CDK6: variants seen among roughly 807,000 people sequenced by gnomAD.
CDK6 encodes the protein cyclin-dependent kinase 6.
Under a neutral mutation model 37.1 loss-of-function variants are expected in CDK6, and 6 were observed. The ratio of observed to expected loss-of-function variants is 0.16; its 90% CI spans 0.09 to 0.32. CDK6 has a LOEUF of 0.32. CDK6 is among the 10% of genes least tolerant of loss of function. The pLI is 1.00. For synonymous variants in CDK6, 160 were observed against 161.3 expected (o/e 0.99, Z 0.06); for missense variants, 224 against 418.9 (o/e 0.53, Z 4.06).
intron 3 of CDK6, among the ~76,000 whole-genome samples, chr7:92,758,546 T>C (rs188783113): frequency 8.5e-4 from 129 of 151,702 alleles, no homozygotes; most frequent in Admixed American, 1.4e-3. Flanking sequence ...CCCTGTAGTA[T>C]CATTTGAAGT....
chr7:92,733,560 T>C (rs1406570302), intron 3 of CDK6, among the ~76,000 whole-genome samples: 6 of 152,188 alleles, frequency 3.9e-5, no homozygotes, highest in East Asian at 1.9e-4. Context: ...TGTAGATCTA[T>C]TGGCAATGTA....
chr7:92,631,709 G>A (rs898590742), intron 5 of CDK6, among the ~76,000 whole-genome samples: 1 of 152,130 alleles, frequency 6.6e-6, no homozygotes, highest in Non-Finnish European at 1.5e-5. Flanking sequence ...CACTGGGGTG[G>A]AGCTACCTAC....
At chr7:92,789,498 A>G (rs1800228807) in intron 2 of CDK6, among the ~76,000 whole-genome samples, 1 of 152,262 alleles carries the variant, frequency 6.6e-6, no homozygotes, top group Admixed American at 6.5e-5. Flanking sequence ...ATTTGTGACA[A>G]TAACAACATG....
intron 2 of CDK6, among the ~76,000 whole-genome samples, chr7:92,775,712 A>G (rs984219511): frequency 1.3e-5 from 2 of 152,244 alleles, no homozygotes; most frequent in Non-Finnish European, 1.5e-5. Context: ...TAAACTACCC[A>G]TAAACAAGCT....
intron 3 of CDK6, among the ~76,000 whole-genome samples, chr7:92,745,080 C>A (rs1799027507): frequency 6.6e-6 from 1 of 151,964 alleles, no homozygotes; most frequent in East Asian, 1.9e-4. Context: ...TCCATTTTAT[C>A]GAATCTAAAT....
intron 4 of CDK6, among the ~76,000 whole-genome samples, chr7:92,718,290 G>A (rs975173177): frequency 6.6e-6 from 1 of 152,140 alleles, no homozygotes; most frequent in Admixed American, 6.5e-5. Context: ...CTGCACTTTC[G>A]CTGAGGTGCC....
intron 3 of CDK6, among the ~76,000 whole-genome samples, chr7:92,749,092 G>A (rs551949483): frequency 2.6e-5 from 4 of 151,980 alleles, no homozygotes; most frequent in Admixed American, 1.3e-4. Context: ...CCAGCTACTC[G>A]GGGGGCTGAG....
At chr7:92,655,026 TGTAGAGACA>T (rs917916143) in intron 5 of CDK6, among the ~76,000 whole-genome samples, 2 of 137,180 alleles carry the variant, frequency 1.5e-5, no homozygotes, top group Non-Finnish European at 3.2e-5. Flanking sequence ...TTTTTTTTTT[TGTAGAGACA>T]GAGTCTCCCT....
chr7:92,629,169 G>A (rs1177522048), intron 5 of CDK6, among the ~76,000 whole-genome samples: 2 of 151,998 alleles, frequency 1.3e-5, no homozygotes, highest in African/African-American at 4.8e-5. Context: ...GACCCAGACT[G>A]ATAGGAAAAA....
At chr7:92,732,516 C>T (rs1488662200) in intron 3 of CDK6, among the ~76,000 whole-genome samples, 2 of 152,216 alleles carry the variant, frequency 1.3e-5, no homozygotes, top group African/African-American at 4.8e-5. Context: ...GAATTTTCCC[C>T]TCACTCTGTA....
At chr7:92,827,853 G>A (rs1244208977) in intron 2 of CDK6, among the ~76,000 whole-genome samples, 2 of 152,136 alleles carry the variant, frequency 1.3e-5, no homozygotes, top group Admixed American at 1.3e-4. Context: ...TGAACCTCAT[G>A]AGAAAGAACA....
intron 2 of CDK6, among the ~76,000 whole-genome samples, chr7:92,802,138 C>T (rs1471282623): frequency 2.0e-5 from 3 of 152,012 alleles, no homozygotes; most frequent in East Asian, 1.9e-4. Context: ...GTGCAACTTA[C>T]ATTGCACCCA....
intron 6 of CDK6, among the ~76,000 whole-genome samples, chr7:92,621,961 C>T (rs1002042389): frequency 2.6e-5 from 4 of 151,240 alleles, no homozygotes; most frequent in African/African-American, 7.3e-5. Flanking sequence ...TAAGCAGTCA[C>T]GCTTGAGTAG....
At chr7:92,696,071 A>G (rs1797712096) in intron 4 of CDK6, among the ~76,000 whole-genome samples, 1 of 152,204 alleles carries the variant, frequency 6.6e-6, no homozygotes, top group Admixed American at 6.5e-5. Context: ...GTACAAAGTG[A>G]AAGTTTCCAG....
chr7:92,760,587 T>A (rs1409516987), intron 3 of CDK6, among the ~76,000 whole-genome samples: 1 of 152,204 alleles, frequency 6.6e-6, no homozygotes, highest in Non-Finnish European at 1.5e-5. Flanking sequence ...TATGAAACTG[T>A]CATTTTTGTA....
At chr7:92,737,067 A>G (rs1798806221) in intron 3 of CDK6, among the ~76,000 whole-genome samples, 1 of 152,206 alleles carries the variant, frequency 6.6e-6, no homozygotes, top group East Asian at 1.9e-4. Context: ...TGGGGACAAC[A>G]CTTTCTTGTA....
At position 92,712,869 on chromosome 7, in the gene CDK6, TG is replaced by T. The variant is rs1562943831; in HGVS notation, c.537+12756del. 5.7e-3 allele frequency among the ~76,000 whole-genome samples: 864 copies of T among 151,478 alleles called. 12 individuals carry two copies. Among genetic ancestry groups the T allele is most frequent in the African/African-American group, 0.019 (802 of 41,130 alleles). On this transcript the variant is annotated intron_variant, in intron 4 of 7. Transcript: ENST00000424848. ...ATGTATGTATGTATGTATGTATGTA[TG>T]TATGTATGTATTTATTTATTTGAGA...
chr7:92,758,466 C>T (rs1799370072), intron 3 of CDK6, among the ~76,000 whole-genome samples: 1 of 151,998 alleles, frequency 6.6e-6, no homozygotes, highest in Non-Finnish European at 1.5e-5. Flanking sequence ...CATTTCTGGG[C>T]TCTCTATTCT....
At chr7:92,831,442 TA>T (rs1481543191) in intron 2 of CDK6, among the ~76,000 whole-genome samples, 2 of 152,164 alleles carry the variant, frequency 1.3e-5, no homozygotes, top group African/African-American at 4.8e-5. Context: ...ACTTCCGTCT[TA>T]AAATTGTAGT....
Sources: allele counts gnomAD v4.1 joint callset (sites outside exome capture counted in the v4.1 genomes callset), GRCh38; gene constraint gnomAD v4.1.1; transcripts MANE v1.5; gene names NCBI Gene and HGNC (gene_info 2026-07-23, HGNC 2026-07-21).